The following ADARB2 variants were observed in gnomAD, a reference collection of about 807,000 sequenced individuals.
ADARB2 encodes the protein adenosine deaminase RNA specific B2 (inactive), also known as inactive double-stranded RNA-specific editase B2.
In ADARB2, 25 loss-of-function variants were observed where a neutral mutation model predicts 62.2. The ratio of observed to expected loss-of-function variants is 0.40; its 90% CI spans 0.29 to 0.56. The LOEUF (loss-of-function observed/expected upper bound fraction) is 0.56. Among genes scored for constraint, ADARB2 ranks in the 20% least tolerant of loss-of-function variants. The probability of loss-of-function intolerance (pLI) is 0.43; values close to 1 mark genes in which losing one functional copy is unlikely to be tolerated. For synonymous variants in ADARB2, 572 were observed against 500.8 expected, an observed-to-expected ratio of 1.14 and a Z score of -1.90; for missense variants, 1,071 against 1,077.4, an observed-to-expected ratio of 0.99 and a Z score of 0.08.
intron 1 of ADARB2, among the ~76,000 whole-genome samples, chr10:1,640,172 G>A (rs938905523): frequency 6.6e-6 from 1 of 152,194 alleles, no homozygotes; most frequent in Non-Finnish European, 1.5e-5. Context: ...TCCATCCTTA[G>A]CCAGTTTGTT....
chr10:1,206,130 A>G (rs1026974623), intron 7 of ADARB2, among the ~76,000 whole-genome samples: 1 of 152,228 alleles, frequency 6.6e-6, no homozygotes, highest in Admixed American at 6.5e-5. Flanking sequence ...CCCGTCTCAA[A>G]AACTCCCTTT....
At chr10:1,191,822 A>G (rs1443911455) in intron 8 of ADARB2, among the ~76,000 whole-genome samples, 1 of 152,168 alleles carries the variant, frequency 6.6e-6, no homozygotes. Context: ...TGCTAAACAC[A>G]CACAATCGTG....
chr10:1,195,756 T>G (rs1436397406), intron 8 of ADARB2, among the ~76,000 whole-genome samples: 2 of 152,176 alleles, frequency 1.3e-5, no homozygotes, highest in Non-Finnish European at 2.9e-5. Flanking sequence ...TGCAGCAGGG[T>G]GAGGCTTTCT....
chr10:1,510,110 C>CTT (rs1289777469), intron 1 of ADARB2, among the ~76,000 whole-genome samples: 19 of 106,252 alleles, frequency 1.8e-4, no homozygotes, highest in South Asian at 7.4e-4. Context: ...CTTTCTTTCT[C>CTT]TCTTTCTTTC....
intron 1 of ADARB2, among the ~76,000 whole-genome samples, chr10:1,730,430 A>C (rs899366920): frequency 6.6e-6 from 1 of 152,152 alleles, no homozygotes; most frequent in African/African-American, 2.4e-5. Flanking sequence ...TGGTGTGACC[A>C]TTTGCATCAG....
intron 1 of ADARB2, among the ~76,000 whole-genome samples, chr10:1,575,721 C>A (rs547832394): frequency 1.3e-5 from 2 of 152,306 alleles, no homozygotes; most frequent in African/African-American, 4.8e-5. Context: ...TGTGGGATCC[C>A]CCTGTGGTCA....
chr10:1,467,073 C>G (rs1486761726), intron 1 of ADARB2, among the ~76,000 whole-genome samples: 1 of 152,058 alleles, frequency 6.6e-6, no homozygotes, highest in Non-Finnish European at 1.5e-5. Context: ...GCTTTCTCTC[C>G]CCTTTCCTGC....
chr10:1,435,087 A>G (rs1164919881), intron 1 of ADARB2, among the ~76,000 whole-genome samples: 2 of 152,208 alleles, frequency 1.3e-5, no homozygotes, highest in Non-Finnish European at 2.9e-5. Flanking sequence ...GTCCCCTGGG[A>G]GGCCGTGGAG....
intron 1 of ADARB2, among the ~76,000 whole-genome samples, chr10:1,680,990 C>T (rs551538407): frequency 1.8e-4 from 28 of 152,282 alleles, no homozygotes; most frequent in African/African-American, 5.1e-4. Flanking sequence ...CCAATAGTGA[C>T]GGATGTGTGT....
intron 1 of ADARB2, among the ~76,000 whole-genome samples, chr10:1,582,548 A>T (rs1335012972): frequency 2.6e-5 from 4 of 152,180 alleles, no homozygotes; most frequent in Admixed American, 2.6e-4. Context: ...AATGACAGTC[A>T]TAGCTACAGA....
chr10:1,722,607 C>T (rs1384610885), intron 1 of ADARB2, among the ~76,000 whole-genome samples: 2 of 152,138 alleles, frequency 1.3e-5, no homozygotes, highest in Non-Finnish European at 2.9e-5. Flanking sequence ...TGCTGTATTT[C>T]ATTCCGTTTC....
chr10:1,362,470 G>C (rs2805575), intron 3 of ADARB2, among the ~76,000 whole-genome samples: 10,319 of 152,302 alleles, frequency 0.068, 914 homozygotes, highest in African/African-American at 0.2. Context: ...GTAATCGCAG[G>C]TTAGAAGGCG....
chr10:1,708,307 C>T (rs1834915505), intron 1 of ADARB2, among the ~76,000 whole-genome samples: 1 of 152,158 alleles, frequency 6.6e-6, no homozygotes, highest in Non-Finnish European at 1.5e-5. Context: ...CTCCCAACGC[C>T]AGGGTGCCTA....
intron 2 of ADARB2, among the ~76,000 whole-genome samples, chr10:1,374,475 T>C (rs1832403999): frequency 6.6e-6 from 1 of 152,230 alleles, no homozygotes; most frequent in African/African-American, 2.4e-5. Context: ...CAACGCTTTA[T>C]ATTGTCATGA....
intron 1 of ADARB2, among the ~76,000 whole-genome samples, chr10:1,503,284 T>G (rs1233340128): frequency 2.6e-5 from 4 of 152,022 alleles, no homozygotes; most frequent in Non-Finnish European, 5.9e-5. Context: ...CCTCCCAGGC[T>G]CAAGCAATCC....
intron 1 of ADARB2, among the ~76,000 whole-genome samples, chr10:1,390,543 T>C (rs893168006): frequency 6.6e-6 from 1 of 152,194 alleles, no homozygotes; most frequent in African/African-American, 2.4e-5. Flanking sequence ...AATTGTTGAA[T>C]CTATAAAGAA....
Position 1,242,241 on chromosome 10 carries a change from G to T in ADARB2, c.1251C>A (p.Ser417Arg). 1 of 1,594,440 alleles carries T rather than the reference G, an allele frequency of 6.3e-7. No homozygotes were observed. Among genetic ancestry groups the T allele is most frequent in the Non-Finnish European group, 8.5e-7 (1 of 1,171,954 alleles). The change falls in exon 5 of 10, where the codon AGC becomes AGA. Residue 417 changes from serine to arginine, a missense_variant. Coordinates refer to ENST00000381312, the MANE Select transcript of ADARB2 (RefSeq NM_018702.4). ...VALSSGTKCISGEHLSDQGLV... is the reference protein window; with the variant it reads ...VALSSGTKCIRGEHLSDQGLV... ...GCCCCTGGTCACTGAGGTGCTCGCC[G>T]CTGATGCACTTGGTCCCCGAGGACA...
At chr10:1,484,423 G>A (rs558722007) in intron 1 of ADARB2, among the ~76,000 whole-genome samples, 6 of 152,222 alleles carry the variant, frequency 3.9e-5, no homozygotes, top group Admixed American at 6.5e-5. Context: ...GCCGCCCACC[G>A]CTCAAGCTCA....
chr10:1,369,259 G>C (rs1832343467), intron 2 of ADARB2, among the ~76,000 whole-genome samples: 1 of 152,156 alleles, frequency 6.6e-6, no homozygotes, highest in African/African-American at 2.4e-5. Context: ...CAGGAGACCA[G>C]GAAAACACCT....
Sources: gnomAD v4.1 joint callset for allele counts (sites outside exome capture counted in the v4.1 genomes callset) on GRCh38, gnomAD v4.1.1 for gene constraint, MANE v1.5 for transcripts, NCBI Gene and HGNC (gene_info 2026-07-23, HGNC 2026-07-21) for gene names.